The following CCDC171 variants were observed in gnomAD, a reference collection of about 807,000 sequenced individuals.
The protein encoded by CCDC171 is coiled-coil domain-containing protein 171.
In CCDC171, 177 loss-of-function variants were observed where a neutral mutation model predicts 168.2. The ratio of observed to expected loss-of-function variants is 1.05; its 90% CI spans 0.93 to 1.19. CCDC171 has a LOEUF of 1.19. Among genes scored for constraint, CCDC171 ranks in the 50% most tolerant of loss-of-function variants. The pLI is 0.00. For missense variants in CCDC171, 1,991 were observed against 1,539.0 expected (o/e 1.29, Z -4.91); for synonymous variants, 687 against 540.8 (o/e 1.27, Z -3.75).
chr9:15,716,456 C>A (rs1157464218), intron 11 of CCDC171, among the ~76,000 whole-genome samples: 2 of 151,774 alleles, frequency 1.3e-5, no homozygotes, highest in Non-Finnish European at 2.9e-5. Context: ...TTAGGGTGAC[C>A]CTTTTTTTTT....
At chr9:15,999,203 C>G (rs1832460384) in intron 3 of CCDC171, among the ~76,000 whole-genome samples, 2 of 142,204 alleles carry the variant, frequency 1.4e-5, no homozygotes, top group South Asian at 2.2e-4. Context: ...AGAGAGAGAC[C>G]CTTTTGAAAA....
At chr9:16,072,590 C>T in the CCDC171 span, among the ~76,000 whole-genome samples, 2 of 152,184 alleles carry the variant, frequency 1.3e-5, no homozygotes, top group South Asian at 2.1e-4. Flanking sequence ...GGCTCCTTCA[C>T]ATGGCACACT....
chr9:15,678,979 C>G (rs2049843707), intron 10 of CCDC171, 83 bp downstream of exon 10: 6 of 1,031,134 alleles, frequency 5.8e-6, no homozygotes, highest in Non-Finnish European at 7.1e-6. Context: ...TCACCACATT[C>G]CATGAGATAA....
intron 3 of CCDC171, among the ~76,000 whole-genome samples, chr9:15,991,321 G>C (rs1175765952): frequency 6.6e-6 from 1 of 152,030 alleles, no homozygotes; most frequent in African/African-American, 2.4e-5. Context: ...ACCTGCTTCT[G>C]AATGACTACT....
chr9:15,871,198 C>T (rs1323034767), intron 23 of CCDC171, among the ~76,000 whole-genome samples: 1 of 151,498 alleles, frequency 6.6e-6, no homozygotes, highest in Non-Finnish European at 1.5e-5. Flanking sequence ...GAATGTATAA[C>T]ATTTGATAAC....
In CCDC171 at chr9:15,914,082, C is replaced by A. The variant is rs543897314; in HGVS notation, c.3601-6188C>A. ...GCTTGTATATGAGGCGTCTGTCAAC[C>A]CCTGCTGGGAGTTGTCTCCCTGTCA... On this transcript the variant is annotated intron_variant, in intron 24 of 25. Transcript: ENST00000380701. 2.1e-3 allele frequency among the ~76,000 whole-genome samples: 321 copies of A among 152,308 alleles called. 1 individual carries two copies. Among genetic ancestry groups the A allele is most frequent in the African/African-American group, 7.6e-3 (315 of 41,564 alleles).
intron 1 of CCDC171, among the ~76,000 whole-genome samples, chr9:15,559,455 C>G (rs1320823317): frequency 6.6e-6 from 1 of 152,160 alleles, no homozygotes; most frequent in African/African-American, 2.4e-5. Context: ...GTTAGCTCTT[C>G]TTGTTGAACT....
In CCDC171 at chr9:15,916,139, C is replaced by T. The variant is rs538935824; in HGVS notation, c.3601-4131C>T. ...TTAAATATTTTATATTTAAAATATT[C>T]ACATTATGTCTAATAATTTACACCT... is the stretch of plus-strand genomic sequence containing the variant. On this transcript the variant is annotated intron_variant, in intron 24 of 25. Transcript: ENST00000380701. 4.0e-4 allele frequency among the ~76,000 whole-genome samples: 61 copies of T among 151,740 alleles called. No individual in the cohort carries two copies. The South Asian group carries it at 5.6e-3, about 14-fold the overall frequency.
intron 3 of CCDC171, among the ~76,000 whole-genome samples, chr9:15,991,495 C>G (rs530346907): frequency 6.6e-6 from 1 of 150,464 alleles, no homozygotes; most frequent in East Asian, 1.9e-4. Context: ...CTAAAATTGA[C>G]ACCCTAACAT....
intron 25 of CCDC171, among the ~76,000 whole-genome samples, chr9:15,943,202 A>C (rs1470904131): frequency 1.3e-5 from 2 of 152,000 alleles, no homozygotes; most frequent in Non-Finnish European, 2.9e-5. Context: ...CAGTGATCCT[A>C]GTTCGCATGG....
At position 15,677,927 on chromosome 9, in the gene CCDC171, A is replaced by ATATATATATAT. The variant is rs1491415268; in HGVS notation, c.1077-831_1077-830insTATATATATAT. 3.7e-3 allele frequency among the ~76,000 whole-genome samples: 107 copies of ATATATATATAT among 29,264 alleles called. 23 individuals are homozygous for ATATATATATAT. The highest frequency in any genetic ancestry group is 5.5e-3 in the East Asian group (3 of 544). The allele number at this position is 29,264 out of a possible 152,430, so 19.2% of individuals were successfully genotyped here. A position where few individuals can be genotyped will look rare whatever the true frequency, so the allele number is the denominator to read the frequency against. On this transcript the variant is annotated intron_variant, in intron 9 of 25. Transcript: ENST00000380701. ...ATATATATATATATATATATATATAAGAGATGTGGTCTCATTCTGTTACCT... is the reference window on the plus strand; with the variant it reads ...ATATATATATATATATATATATATAATATATATATATGAGATGTGGTCTCATTCTGTTACCT...
chr9:16,035,432 G>C (rs555326234), intron 6 of CCDC171: 1 of 152,188 alleles, frequency 6.6e-6, no homozygotes, highest in South Asian at 2.1e-4. Flanking sequence ...TAACACCCGA[G>C]TTCACAGATT....
downstream of CCDC171, among the ~76,000 whole-genome samples, chr9:16,065,477 G>C (rs1025526478): frequency 2.6e-5 from 4 of 152,176 alleles, no homozygotes. Context: ...GGCCCTGAAG[G>C]ATGAGGAACC....
intron 23 of CCDC171, among the ~76,000 whole-genome samples, chr9:15,873,652 A>G (rs1817475782): frequency 6.6e-6 from 1 of 152,132 alleles, no homozygotes; most frequent in Non-Finnish European, 1.5e-5. Flanking sequence ...AATGCAAACG[A>G]AACTATGGAA....
chr9:15,575,361 G>T (rs899290891), intron 3 of CCDC171, among the ~76,000 whole-genome samples: 1 of 151,958 alleles, frequency 6.6e-6, no homozygotes, highest in East Asian at 1.9e-4. Flanking sequence ...TTTTATAGAG[G>T]TGTGGTTTTG....
intron 3 of CCDC171, among the ~76,000 whole-genome samples, chr9:16,007,237 G>A (rs1832730742): frequency 6.6e-6 from 1 of 152,210 alleles, no homozygotes; most frequent in Admixed American, 6.5e-5. Flanking sequence ...CTTCTTTTGA[G>A]TAGTGTCTGT....
At position 15,687,748 on chromosome 9, in the gene CCDC171, A is replaced by C. The variant is rs1191691271; in HGVS notation, c.1216-7487A>C. 2.0e-5 allele frequency among the ~76,000 whole-genome samples: 3 copies of C among 152,210 alleles called. No individual in the cohort carries two copies. The East Asian group carries it at 5.8e-4, about 29-fold the overall frequency. On this transcript the variant is annotated intron_variant, in intron 10 of 25. Coordinates refer to ENST00000380701, the MANE Select transcript of CCDC171 (RefSeq NM_173550.4). ...AATAATTGTAAGAGAATACTCTGAA[A>C]AACTATATGCCAACAAATTAGATAA... is the stretch of plus-strand genomic sequence containing the variant.
chr9:15,649,552 G>C (rs2047334118), intron 7 of CCDC171, among the ~76,000 whole-genome samples: 1 of 151,964 alleles, frequency 6.6e-6, no homozygotes. Flanking sequence ...AAATTTACAA[G>C]AAAAAAACAA....
chr9:15,812,418 A>G (rs73420322), intron 21 of CCDC171, among the ~76,000 whole-genome samples: 4,169 of 152,306 alleles, frequency 0.027, 194 homozygotes, highest in African/African-American at 0.096. Context: ...AACAGATTGA[A>G]AATCAACTTT....
Sources: gnomAD v4.1 joint callset for allele counts (sites outside exome capture counted in the v4.1 genomes callset) on GRCh38, gnomAD v4.1.1 for gene constraint, MANE v1.5 for transcripts, NCBI Gene and HGNC (gene_info 2026-07-23, HGNC 2026-07-21) for gene names.